The following LYPD6B variants were observed in gnomAD, a reference collection of about 807,000 sequenced individuals.
LYPD6B encodes ly6/PLAUR domain-containing protein 6B.
Under a neutral mutation model 22.8 loss-of-function variants are expected in LYPD6B, and 17 were observed. The observed-to-expected ratio is 0.75, with a 90% confidence interval of 0.51 to 1.12. The LOEUF (loss-of-function observed/expected upper bound fraction) is 1.12. Among genes scored for constraint, LYPD6B ranks in the 50% most tolerant of loss-of-function variants. The probability of loss-of-function intolerance (pLI) is 0.00; values close to 1 mark genes in which losing one functional copy is unlikely to be tolerated. For missense variants in LYPD6B, 221 were observed against 258.3 expected (o/e 0.86, Z 0.99); for synonymous variants, 106 against 91.6 (o/e 1.16, Z -0.90).
At chr2:149,178,054 AT>A (rs563405906) in intron 3 of LYPD6B, among the ~76,000 whole-genome samples, 48 of 149,874 alleles carry the variant, frequency 3.2e-4, no homozygotes, top group African/African-American at 8.8e-4. Context: ...TCCAAGAAGT[AT>A]TTTTTTTTTC....
rs556117477 is a variant in LYPD6B at position 149,121,576 on chromosome 2, C to T, written c.-66-9307C>T. Among the ~76,000 whole-genome samples the T allele has an allele frequency of 2.0e-5, 3 of 152,158 alleles. No homozygotes were observed. In the South Asian group the frequency reaches 6.2e-4, roughly 32 times the overall value. ...AGGGTTAAAGAGCAAACAAGGGACT[C>T]CAACAGTGGAAAGTCATGTCCAGCT... On this transcript the variant is annotated intron_variant, in intron 1 of 6. Transcript: ENST00000409642.
chr2:149,058,987 A>T (rs1480949214), intron 1 of LYPD6B, among the ~76,000 whole-genome samples: 2 of 152,186 alleles, frequency 1.3e-5, no homozygotes, highest in Non-Finnish European at 2.9e-5. Context: ...CTCTTGTAAG[A>T]GGCCTGGAGA....
chr2:149,144,378 T>C (rs367651201), intron 2 of LYPD6B, among the ~76,000 whole-genome samples: 2 of 152,102 alleles, frequency 1.3e-5, no homozygotes, highest in African/African-American at 4.8e-5. Flanking sequence ...GACTAGTTTT[T>C]TTTGTTTGTT....
intron 1 of LYPD6B, among the ~76,000 whole-genome samples, chr2:149,130,038 G>C (rs6713462): frequency 0.65 from 98,100 of 152,018 alleles, 31,847 homozygotes; most frequent in East Asian, 0.91. Flanking sequence ...GGGTACACCC[G>C]CCTCTTTCTG....
chr2:149,212,488 G>A (rs191526698), intron 5 of LYPD6B, among the ~76,000 whole-genome samples: 4 of 150,374 alleles, frequency 2.7e-5, no homozygotes, highest in South Asian at 2.1e-4. Context: ...TGTATAATTC[G>A]AAGCACCTGC....
intron 1 of LYPD6B, among the ~76,000 whole-genome samples, chr2:149,046,081 T>C (rs543198301): frequency 2.1e-4 from 32 of 152,202 alleles, no homozygotes; most frequent in Non-Finnish European, 3.7e-4. Flanking sequence ...GTTAAGTGCA[T>C]ACACATTTAG....
intron 1 of LYPD6B, among the ~76,000 whole-genome samples, chr2:149,040,055 G>T (rs952229380): frequency 7.2e-5 from 11 of 152,118 alleles, no homozygotes; most frequent in Non-Finnish European, 1.0e-4. Flanking sequence ...TATCTTAGCT[G>T]TTTTTCTCTC....
intron 1 of LYPD6B, among the ~76,000 whole-genome samples, chr2:149,047,669 A>G (rs570342229): frequency 5.1e-4 from 77 of 151,998 alleles, no homozygotes; most frequent in Non-Finnish European, 9.7e-4. Flanking sequence ...ATCTGTCATT[A>G]ATTTTGGAAA....
At chr2:149,120,172 C>CT (rs1268961736) in intron 1 of LYPD6B, among the ~76,000 whole-genome samples, 1 of 151,296 alleles carries the variant, frequency 6.6e-6, no homozygotes, top group African/African-American at 2.4e-5. Flanking sequence ...TGTTTTATTT[C>CT]TTTTGTTTCA....
Position 149,163,655 on chromosome 2 carries a change from C to T in LYPD6B, c.77+2820C>T, listed in dbSNP as rs147701266. Among the ~76,000 whole-genome samples, 510 of 152,238 alleles carry T rather than the reference C, an allele frequency of 3.4e-3. 11 individuals carry two copies. The highest frequency in any genetic ancestry group is 9.9e-4 in the Non-Finnish European group (67 of 68,020). On this transcript the variant is annotated intron_variant, in intron 3 of 6. Coordinates refer to ENST00000409642, the MANE Select transcript of LYPD6B (RefSeq NM_177964.5). ...CTATAAAGTTGGGTATCAGTTCTTCCCTCAGGTTACAGGTGAGGGAACACT... is the reference window on the plus strand; with the variant it reads ...CTATAAAGTTGGGTATCAGTTCTTCTCTCAGGTTACAGGTGAGGGAACACT...
At chr2:149,101,725 G>A (rs1686220734) in intron 1 of LYPD6B, 1 of 152,218 alleles carries the variant, frequency 6.6e-6, no homozygotes, top group Non-Finnish European at 1.5e-5. Flanking sequence ...ATGGGCTAGT[G>A]GGGCCCTGAT....
intron 2 of LYPD6B, 59 bp from the exon 3 acceptor site, chr2:149,160,705 C>G (rs953003337): frequency 8.2e-7 from 1 of 1,222,346 alleles, no homozygotes; most frequent in African/African-American, 1.5e-5. Flanking sequence ...TCCAGTTGTT[C>G]AAGAACGTTA....
chr2:149,111,761 T>C (rs553265085), intron 1 of LYPD6B, among the ~76,000 whole-genome samples: 1 of 152,106 alleles, frequency 6.6e-6, no homozygotes, highest in Admixed American at 6.5e-5. Flanking sequence ...AAAGTAAGTA[T>C]AGATAGAGAA....
chr2:149,162,617 C>T (rs1031522887), intron 3 of LYPD6B, among the ~76,000 whole-genome samples: 9 of 152,026 alleles, frequency 5.9e-5, no homozygotes, highest in Non-Finnish European at 8.8e-5. Context: ...AGTTCAAGAT[C>T]GTTAAAGCAT....
At chr2:149,151,316 T>G (rs1345813728) in intron 2 of LYPD6B, among the ~76,000 whole-genome samples, 1 of 152,112 alleles carries the variant, frequency 6.6e-6, no homozygotes, top group Non-Finnish European at 1.5e-5. Context: ...AGGCCTGTGT[T>G]TCTGCAGCTG....
intron 1 of LYPD6B, among the ~76,000 whole-genome samples, chr2:149,094,442 T>C (rs1429654883): frequency 6.6e-6 from 1 of 152,204 alleles, no homozygotes; most frequent in East Asian, 1.9e-4. Context: ...AAGGATTGGC[T>C]GAAAAATCCT....
chr2:149,056,301 A>G (rs967407897), intron 1 of LYPD6B, among the ~76,000 whole-genome samples: 1 of 152,180 alleles, frequency 6.6e-6, no homozygotes, highest in Non-Finnish European at 1.5e-5. Context: ...GATGAATGAA[A>G]CACAGGCCAT....
At chr2:149,161,431 T>C (rs77254884) in intron 3 of LYPD6B, 18,896 of 153,368 alleles carry the variant, frequency 0.12, 1,483 homozygotes, top group Non-Finnish European at 0.16. Context: ...CTTGATGCAT[T>C]TTGTCTTTTG....
At chr2:149,072,719 T>C (rs1454116517) in intron 1 of LYPD6B, among the ~76,000 whole-genome samples, 1 of 151,618 alleles carries the variant, frequency 6.6e-6, no homozygotes, top group Non-Finnish European at 1.5e-5. Flanking sequence ...GTGTTTTTAG[T>C]AGAGATGGGG....
Sources: gnomAD v4.1 joint callset for allele counts (sites outside exome capture counted in the v4.1 genomes callset) on GRCh38, gnomAD v4.1.1 for gene constraint, MANE v1.5 for transcripts, NCBI Gene and HGNC (gene_info 2026-07-23, HGNC 2026-07-21) for gene names.